DMTN: variants seen among roughly 807,000 people sequenced by gnomAD.
DMTN encodes the protein dematin.
A neutral mutation model predicts 59.4 loss-of-function variants in DMTN; 27 were observed. The observed-to-expected ratio is 0.45, with a 90% CI of 0.33 to 0.63. DMTN has a LOEUF of 0.63. Ranked by LOEUF, DMTN falls within the 20% of genes least tolerant of loss-of-function variation. DMTN has a pLI of 0.02. For synonymous variants in DMTN, 221 were observed against 203.7 expected, an observed-to-expected ratio of 1.08 and a Z score of -0.72; for missense variants, 451 against 528.9, an observed-to-expected ratio of 0.85 and a Z score of 1.45.
chr8:22,078,005 TA>T (rs1481670463), intron 10 of DMTN, among the ~76,000 whole-genome samples: 1 of 152,120 alleles, frequency 6.6e-6, no homozygotes, highest in Non-Finnish European at 1.5e-5. Context: ...AAATAAGTGT[TA>T]GGGGTAAAAA....
At chr8:22,054,963 C>T (rs892690478), upstream of DMTN, 8 of 152,776 alleles carry the variant, frequency 5.2e-5, no homozygotes, top group East Asian at 3.9e-4. Flanking sequence ...TGTATGTCAC[C>T]GAGGAGGCTG....
chr8:22,049,536 C>T (rs1355905984), upstream of DMTN, among the ~76,000 whole-genome samples: 1 of 150,080 alleles, frequency 6.7e-6, no homozygotes, highest in Non-Finnish European at 1.5e-5. Context: ...GGCTTTTAAT[C>T]TTGTCGAGGG....
intron 5 of DMTN, 59 bp downstream of exon 5, chr8:22,069,119 C>T: frequency 6.4e-7 from 1 of 1,565,576 alleles, no homozygotes; most frequent in Non-Finnish European, 8.7e-7. Flanking sequence ...ATCCTAACTC[C>T]CTCCCCTCAC....
At chr8:22,080,698 G>C in intron 13 of DMTN, 73 bp downstream of exon 13, 2 of 1,581,640 alleles carry the variant, frequency 1.3e-6, no homozygotes, top group South Asian at 2.3e-5. Flanking sequence ...GTCAGGGGAA[G>C]GGGGGTGTGG....
upstream of DMTN, among the ~76,000 whole-genome samples, chr8:22,050,138 G>A (rs1801194696): frequency 2.0e-5 from 3 of 152,198 alleles, no homozygotes; most frequent in Admixed American, 6.5e-5. Flanking sequence ...TGAAGACCGC[G>A]CCGTGTTGGG....
In DMTN at chr8:22,067,532, G is replaced by T; in HGVS notation, c.99G>T (p.Lys33Asn). 1 of 1,614,196 alleles carries T rather than the reference G, an allele frequency of 6.2e-7. No homozygotes were observed. Residue 33 changes from lysine (K) to asparagine (N), a missense_variant, in exon 4 of 16, where the codon AAG becomes AAT. Coordinates refer to ENST00000358242, the MANE Select transcript of DMTN (RefSeq NM_001387751.1). ...VPGSPSSIVA[K>N]MDNQVLGYKD... Reference sequence around the variant, plus strand: ...ACGCGCACCTTTCCCTTCAGGCCAAGATGGACAATCAGGTGCTGGGCTACA... The same window carrying T: ...ACGCGCACCTTTCCCTTCAGGCCAATATGGACAATCAGGTGCTGGGCTACA...
Position 22,081,405 on chromosome 8 carries a change from T to C in DMTN, c.1160T>C (p.Phe387Ser). Residue 387 changes from phenylalanine (F) to serine (S), a missense_variant, in exon 16 of 16, where the codon TTT (phenylalanine) becomes TCT (serine). Phe to Ser is a radical substitution (Grantham distance 155). Transcript: ENST00000358242. ...SRVFAMSPEE[F>S]GKLALWKRNE... The stretch of plus-strand genomic sequence containing the variant: ...GTATTTGCCATGTCCCCTGAAGAGT[T>C]TGGCAAGCTGGCTCTGTGGAAGCGG... The C allele has an allele frequency of 6.2e-7, 1 of 1,614,076 alleles. No individual in the cohort carries two copies. The highest frequency in any genetic ancestry group is 8.5e-7 in the Non-Finnish European group (1 of 1,179,962).
At chr8:22,072,726 C>T (rs1368909122) in intron 9 of DMTN, among the ~76,000 whole-genome samples, 1 of 151,652 alleles carries the variant, frequency 6.6e-6, no homozygotes, top group Non-Finnish European at 1.5e-5. Context: ...CCGCCCACCT[C>T]GGCCTCCCAA....
upstream of DMTN, among the ~76,000 whole-genome samples, chr8:22,049,526 G>A (rs1472359019): frequency 6.6e-6 from 1 of 151,640 alleles, no homozygotes; most frequent in Non-Finnish European, 1.5e-5. Flanking sequence ...TCAGTGCGCT[G>A]GCTTTTAATC....
At chr8:22,076,826 C>G (rs146295228) in intron 10 of DMTN, among the ~76,000 whole-genome samples, 386 of 151,930 alleles carry the variant, frequency 2.5e-3, no homozygotes, top group African/African-American at 9.0e-3. Context: ...TGAGATCGAG[C>G]CCCAGAATGT....
chr8:22,059,662 C>G (rs1227823803), intron 1 of DMTN, among the ~76,000 whole-genome samples: 1 of 152,142 alleles, frequency 6.6e-6, no homozygotes, highest in Non-Finnish European at 1.5e-5. Context: ...TTCATTTTTG[C>G]TCATCTCTAA....
At chr8:22,063,698 T>C (rs188777666) in intron 1 of DMTN, among the ~76,000 whole-genome samples, 1 of 152,276 alleles carries the variant, frequency 6.6e-6, no homozygotes, top group East Asian at 1.9e-4. Flanking sequence ...TTTTGCATGA[T>C]CTCAAACTGG....
At chr8:22,070,056 G>A in intron 7 of DMTN, 119 bp downstream of exon 7, 2 of 1,536,880 alleles carry the variant, frequency 1.3e-6, no homozygotes, top group East Asian at 2.2e-5. Context: ...CAGCACGTGT[G>A]CCCCGTGCTC....
intron 2 of DMTN, 70 bp from the exon 3 acceptor site, chr8:22,067,015 C>G (rs1585870532): frequency 6.9e-7 from 1 of 1,442,248 alleles, no homozygotes; most frequent in Non-Finnish European, 9.2e-7. Flanking sequence ...TCCCCCAGGC[C>G]TAGGGCCGCC....
Position 22,071,029 on chromosome 8 carries a change from C to CCCAG in DMTN, c.604+697_604+700dup, listed in dbSNP as rs1349373093. 1.8e-4 allele frequency among the ~76,000 whole-genome samples: 27 copies of CCCAG among 152,196 alleles called. No individual in the cohort carries two copies. In the South Asian group the frequency reaches 5.6e-3, roughly 32 times the overall value. On this transcript the variant is annotated intron_variant, in intron 8 of 15. Coordinates refer to ENST00000358242, the MANE Select transcript of DMTN (RefSeq NM_001387751.1). ...AGTGTGTGTATGTGTGTGTTGCCTA[C>CCCAG]CCAGCTTCATGGCAAGGTGAGAAAA...
rs977352104 is a variant in DMTN, at chr8:22,082,167, G to C, written c.*704G>C. 2.0e-5 allele frequency: 9 copies of C among 456,680 alleles called. No homozygotes were observed. The allele number at this position is 456,680 out of a possible 1,614,324, so 28.3% of individuals were successfully genotyped here. A position where few individuals can be genotyped will look rare whatever the true frequency, so the allele number is the denominator to read the frequency against. On this transcript the variant is annotated 3_prime_UTR_variant, in exon 16 of 16. Transcript: ENST00000358242. ...AATTCCAGCACTAAGCCAGGCACCG[G>C]GCAGAAGCTGGGCCTTCCGCCTCCC...
chr8:22,068,981 C>T (rs73545574), intron 4 of DMTN, 35 bp from the exon 5 acceptor site: 4 of 1,609,716 alleles, frequency 2.5e-6, no homozygotes, highest in African/African-American at 1.3e-5. Flanking sequence ...TGAATCTGCC[C>T]CTGTAGCTCT....
upstream of DMTN, among the ~76,000 whole-genome samples, chr8:22,052,110 C>G (rs1038383142): frequency 1.3e-5 from 2 of 152,244 alleles, no homozygotes; most frequent in Non-Finnish European, 2.9e-5. Flanking sequence ...GCTCCATAGG[C>G]TCTTGGCACT....
intron 1 of DMTN, chr8:22,059,607 G>C (rs1187246938): frequency 6.6e-6 from 1 of 152,284 alleles, no homozygotes; most frequent in Non-Finnish European, 1.5e-5. Flanking sequence ...AGGGATTCTG[G>C]CTTGGCTTCT....
Sources: allele counts gnomAD v4.1 joint callset (sites outside exome capture counted in the v4.1 genomes callset), GRCh38; gene constraint gnomAD v4.1.1; transcripts MANE v1.5; gene names NCBI Gene and HGNC (gene_info 2026-07-23, HGNC 2026-07-21).